The following EDA variants were observed in gnomAD, a reference collection of about 807,000 sequenced individuals.
EDA encodes the protein ectodysplasin-A.
Under a neutral mutation model 23.6 loss-of-function variants are expected in EDA, and 2 were observed. The observed-to-expected ratio is 0.08, with a 90% CI of 0.03 to 0.27. EDA has a LOEUF of 0.27. Ranked by LOEUF, EDA falls within the 10% of genes least tolerant of loss-of-function variation. EDA has a pLI of 1.00. For missense variants in EDA, 229 were observed against 324.2 expected (o/e 0.71, Z 2.26); for synonymous variants, 131 against 132.0 (o/e 0.99, Z 0.05).
chrX:69,629,632 G>A (rs1932500387), intron 1 of EDA, among the ~76,000 whole-genome samples: 1 of 111,506 alleles, frequency 9.0e-6, no homozygotes, highest in Non-Finnish European at 1.9e-5. Flanking sequence ...GAGTCTGTCA[G>A]TAGGGCTTCT....
chrX:69,671,403 G>A (rs1933892544), intron 1 of EDA, among the ~76,000 whole-genome samples: 1 of 111,361 alleles, frequency 9.0e-6, no homozygotes, highest in African/African-American at 3.3e-5. Context: ...CAGGGCACAG[G>A]TGCTCAGAGC....
At chrX:69,957,188 T>A in intron 2 of EDA, 56 bp downstream of exon 2, 1 of 1,098,899 alleles carries the variant, frequency 9.1e-7, no homozygotes, top group Non-Finnish European at 1.3e-6. Context: ...AGTAAAAGTA[T>A]CCTTTTAAGA....
chrX:69,806,863 G>A (rs1195140119), intron 1 of EDA, among the ~76,000 whole-genome samples: 1 of 110,760 alleles, frequency 9.0e-6, no homozygotes, highest in East Asian at 2.9e-4. Context: ...CTGGAACATA[G>A]AAAGAAATAG....
intron 1 of EDA, among the ~76,000 whole-genome samples, chrX:69,835,933 C>T (rs779757724): frequency 8.9e-6 from 1 of 111,871 alleles, no homozygotes; most frequent in East Asian, 2.8e-4. Context: ...TGATGCTATT[C>T]CTTTCTGTTT....
intron 1 of EDA, chrX:69,861,305 C>A (rs12688186): frequency 0.22 from 33,496 of 149,673 alleles, 2,972 homozygotes; most frequent in African/African-American, 0.31. Context: ...TGATACAAAC[C>A]AGCAGGGGAT....
chrX:69,802,192 A>AAAT (rs1258508678), intron 1 of EDA, among the ~76,000 whole-genome samples: 2 of 110,698 alleles, frequency 1.8e-5, no homozygotes, highest in Non-Finnish European at 3.8e-5. Flanking sequence ...TGAATGGACT[A>AAAT]GAACTACATG....
intron 1 of EDA, among the ~76,000 whole-genome samples, chrX:69,636,377 A>G (rs1157945528): frequency 9.0e-6 from 1 of 110,762 alleles, no homozygotes; most frequent in Non-Finnish European, 1.9e-5. Context: ...TTGTACAGCC[A>G]GTAGAACTGT....
At chrX:69,804,141 T>G (rs1376802732) in intron 1 of EDA, among the ~76,000 whole-genome samples, 3 of 111,215 alleles carry the variant, frequency 2.7e-5, no homozygotes, top group Non-Finnish European at 3.8e-5. Flanking sequence ...GATGTCTTTC[T>G]GATATAATGA....
At chrX:69,667,145 T>C (rs1387919002) in intron 1 of EDA, among the ~76,000 whole-genome samples, 2 of 97,251 alleles carry the variant, frequency 2.1e-5, no homozygotes, top group Non-Finnish European at 4.0e-5. Flanking sequence ...TGAAATGGAG[T>C]CTCGCTCTGT....
intron 1 of EDA, among the ~76,000 whole-genome samples, chrX:69,711,960 AT>A (rs1008191858): frequency 1.4e-4 from 16 of 110,538 alleles, no homozygotes; most frequent in Admixed American, 1.2e-3. Flanking sequence ...GGATTCATTG[AT>A]TTTTTTGAAG....
At chrX:69,803,957 G>T (rs1224394386) in intron 1 of EDA, among the ~76,000 whole-genome samples, 1 of 110,536 alleles carries the variant, frequency 9.0e-6, no homozygotes, top group East Asian at 2.9e-4. Context: ...ATGTCCTCTA[G>T]TTCCATCCAT....
intron 1 of EDA, among the ~76,000 whole-genome samples, chrX:69,844,021 CAAAA>C (rs752030655): frequency 1.6e-5 from 1 of 61,882 alleles, no homozygotes; most frequent in Non-Finnish European, 2.8e-5. Context: ...GACTCTGTCT[CAAAA>C]AAAAAAAAAA....
At chrX:69,826,485 G>A (rs1397857249) in intron 1 of EDA, among the ~76,000 whole-genome samples, 56 of 109,471 alleles carry the variant, frequency 5.1e-4, no homozygotes, top group African/African-American at 1.8e-3. Flanking sequence ...ATCTTTGTTG[G>A]TTTGAAGTCT....
At chrX:70,025,573 G>T (rs770441469) in intron 3 of EDA, among the ~76,000 whole-genome samples, 127 of 111,824 alleles carry the variant, frequency 1.1e-3, no homozygotes, top group African/African-American at 4.1e-3. Context: ...GAAGGGATTT[G>T]CCCAAAGTGT....
At chrX:69,678,385 G>T (rs1934189119) in intron 1 of EDA, among the ~76,000 whole-genome samples, 4 of 111,482 alleles carry the variant, frequency 3.6e-5, no homozygotes, top group South Asian at 3.8e-4. Context: ...TGATGGGGAT[G>T]ACATTGAATC....
chrX:69,828,031 G>C (rs1321938988), intron 1 of EDA, among the ~76,000 whole-genome samples: 2 of 110,909 alleles, frequency 1.8e-5, no homozygotes, highest in South Asian at 3.9e-4. Context: ...GGGTCAGGGA[G>C]CCACTTGAGG....
chrX:69,777,138 CTGGGTTTTGTTGT>C (rs2014808080), intron 1 of EDA, among the ~76,000 whole-genome samples: 1 of 74,344 alleles, frequency 1.3e-5, no homozygotes, highest in Non-Finnish European at 3.0e-5. Context: ...TCTGTTGATT[CTGGGTTTTGTTGT>C]TGTTGTTGTT....
At chrX:69,698,535 G>A (rs188210768) in intron 1 of EDA, among the ~76,000 whole-genome samples, 3 of 111,837 alleles carry the variant, frequency 2.7e-5, no homozygotes, top group South Asian at 7.6e-4. Flanking sequence ...GGTAATTCCC[G>A]AGTGGCTCAG....
At chrX:69,719,349 A>T (rs2520409) in intron 1 of EDA, among the ~76,000 whole-genome samples, 36,610 of 108,430 alleles carry the variant, frequency 0.34, 5,239 homozygotes, top group Middle Eastern at 0.57. Context: ...AACACATTTT[A>T]AAAAAAAATT....
Sources: allele counts gnomAD v4.1 joint callset (sites outside exome capture counted in the v4.1 genomes callset), GRCh38; gene constraint gnomAD v4.1.1; transcripts MANE v1.5; gene names NCBI Gene and HGNC (gene_info 2026-07-23, HGNC 2026-07-21).